WASHC2A: variants seen among roughly 807,000 people sequenced by gnomAD.
WASHC2A encodes WASH complex subunit FAM21A.
Under a neutral mutation model 140.3 loss-of-function variants are expected in WASHC2A, and 82 were observed. The ratio of observed to expected loss-of-function variants is 0.58; its 90% CI spans 0.49 to 0.70. The LOEUF is 0.70. Among genes scored for constraint, WASHC2A ranks in the 30% least tolerant of loss-of-function variants. The pLI is 0.00. For missense variants in WASHC2A, 985 were observed against 1,521.8 expected (o/e 0.65, Z 5.87); for synonymous variants, 340 against 560.8 (o/e 0.61, Z 5.56).
intron 19 of WASHC2A, among the ~76,000 whole-genome samples, chr10:50,109,562 C>T (rs1554889608): frequency 1.3e-5 from 2 of 152,026 alleles, no homozygotes; most frequent in Non-Finnish European, 2.9e-5. Context: ...GAAGAGACAT[C>T]GTGGCAGGTG....
chr10:50,132,225 A>T (rs1211500098), intron 30 of WASHC2A, among the ~76,000 whole-genome samples: 1 of 152,236 alleles, frequency 6.6e-6, no homozygotes, highest in Non-Finnish European at 1.5e-5. Context: ...TGTACACCTA[A>T]CTTTATGTAT....
At chr10:50,072,415 A>G (rs2132327854) in intron 3 of WASHC2A, among the ~76,000 whole-genome samples, 1 of 151,920 alleles carries the variant, frequency 6.6e-6, no homozygotes, top group African/African-American at 2.4e-5. Flanking sequence ...ATACTGAGAA[A>G]ACAGCTAATG....
At chr10:50,074,519 G>GA (rs1335565396) in intron 3 of WASHC2A, among the ~76,000 whole-genome samples, 2 of 151,752 alleles carry the variant, frequency 1.3e-5, no homozygotes, top group African/African-American at 4.8e-5. Flanking sequence ...GGAAAAGTAA[G>GA]AAAAAGAAAA....
At chr10:50,104,641 G>A (rs1329192777) in intron 18 of WASHC2A, among the ~76,000 whole-genome samples, 1 of 152,144 alleles carries the variant, frequency 6.6e-6, no homozygotes, top group Non-Finnish European at 1.5e-5. Flanking sequence ...ACAGGTGTGA[G>A]CCACCATGCC....
intron 23 of WASHC2A, among the ~76,000 whole-genome samples, chr10:50,124,093 TTTTTGTTTTGTTTTG>T (rs200416768): frequency 6.6e-6 from 1 of 151,074 alleles, no homozygotes; most frequent in African/African-American, 2.4e-5. Flanking sequence ...TTTTTTGGTT[TTTTTGTTTTGTTTTG>T]TTTTGTTTTG....
rs1267121855 is a variant in WASHC2A, at chr10:50,117,989, G to C, written c.2226G>C (p.Val742=). ...AGGCACAACTTGGAGTGAAGTCTGT[G>C]GATAAGAAGGTTGAGAGTGCCAAGG... The part of the protein sequence containing the change: ...EKEAQLGVKS[V]DKKVESAKES... The change falls in exon 22 of 31, where the codon GTG becomes GTC. Residue 742 remains valine (V), a synonymous_variant. Transcript: ENST00000282633. 14 of 1,594,086 alleles carry C rather than the reference G, an allele frequency of 8.8e-6. No individual in the cohort carries two copies. The highest frequency in any genetic ancestry group is 1.4e-5 in the African/African-American group (1 of 73,516).
chr10:50,104,020 A>G (rs782711513), intron 17 of WASHC2A, 22 bp from the exon 18 acceptor site: 1 of 1,540,770 alleles, frequency 6.5e-7, no homozygotes, highest in Non-Finnish European at 8.9e-7. Flanking sequence ...GTTAACCAGC[A>G]ACTTTAATTT....
rs1840624947 is a variant in WASHC2A, at chr10:50,097,736, A to G, written c.1482A>G (p.Lys494=). 6.2e-7 allele frequency: 1 copy of G among 1,606,658 alleles called. No individual in the cohort carries two copies. Among genetic ancestry groups the G allele is most frequent in the Non-Finnish European group, 8.5e-7 (1 of 1,177,614 alleles). The change falls in exon 16 of 31, where the codon AAA becomes AAG. Residue 494 remains lysine, a synonymous_variant. Transcript: ENST00000282633. ...GDEEGDLFKE[K]AVASPEATVS... ...AAGAAGGAGATCTGTTCAAAGAAAA[A>G]GCCGTAGCATCGCCAGAAGCCACTG...
rs201439985 is a variant in WASHC2A, at chr10:50,132,839, C to T, written c.3920C>T (p.Thr1307Ile). ...DIFSSGIQAK[T>I]TKPKSRSAQA... Reference sequence around the variant, plus strand: ...TTCTCCTCTGGTATCCAGGCTAAGACAACCAAACCAAAAAGCCGATCTGCA... The same window carrying T: ...TTCTCCTCTGGTATCCAGGCTAAGATAACCAAACCAAAAAGCCGATCTGCA... Residue 1307 changes from threonine (T) to isoleucine (I), a missense_variant, in exon 31 of 31, where the codon ACA becomes ATA. Coordinates refer to ENST00000282633, the MANE Select transcript of WASHC2A (RefSeq NM_001005751.3). 153 of 1,611,898 alleles carry T rather than the reference C, an allele frequency of 9.5e-5. No homozygotes were observed. Among genetic ancestry groups the T allele is most frequent in the Non-Finnish European group, 1.4e-5 (16 of 1,179,860 alleles).
chr10:50,081,554 A>G (rs2132436790), intron 5 of WASHC2A, among the ~76,000 whole-genome samples: 1 of 137,740 alleles, frequency 7.3e-6, no homozygotes, highest in South Asian at 2.5e-4. Flanking sequence ...GGTAGTGAAC[A>G]CAGAAAGTTA....
At chr10:50,130,673 C>T (rs1464475394) in intron 29 of WASHC2A, among the ~76,000 whole-genome samples, 1 of 152,104 alleles carries the variant, frequency 6.6e-6, no homozygotes, top group Non-Finnish European at 1.5e-5. Flanking sequence ...CTCCTTTAGG[C>T]AGGACTGGTA....
chr10:50,082,178 A>T (rs1254442324), intron 5 of WASHC2A, among the ~76,000 whole-genome samples: 1 of 150,062 alleles, frequency 6.7e-6, no homozygotes, highest in Non-Finnish European at 1.5e-5. Flanking sequence ...AAAGTTGTGG[A>T]GGTACACTTT....
intron 4 of WASHC2A, among the ~76,000 whole-genome samples, chr10:50,079,431 C>G (rs1379432019): frequency 6.6e-6 from 1 of 152,196 alleles, no homozygotes; most frequent in Non-Finnish European, 1.5e-5. Context: ...GAGTCTCACT[C>G]TGTTGCCCAG....
chr10:50,094,573 T>A (rs1488844784), intron 13 of WASHC2A, among the ~76,000 whole-genome samples: 1 of 152,252 alleles, frequency 6.6e-6, no homozygotes, highest in Non-Finnish European at 1.5e-5. Flanking sequence ...TTAGTGATTC[T>A]AAGTGCCGAG....
At chr10:50,113,426 T>C (rs1234988757) in intron 20 of WASHC2A, among the ~76,000 whole-genome samples, 1 of 151,566 alleles carries the variant, frequency 6.6e-6, no homozygotes, top group Non-Finnish European at 1.5e-5. Context: ...TATGTCTCAA[T>C]AACGCTACTA....
intron 2 of WASHC2A, among the ~76,000 whole-genome samples, chr10:50,069,304 T>A (rs1414888433): frequency 2.0e-5 from 3 of 151,042 alleles, no homozygotes; most frequent in Admixed American, 1.3e-4. Context: ...CGGGCACCTG[T>A]AATTCCAGCT....
At chr10:50,076,062 C>T (rs1315014653) in intron 3 of WASHC2A, among the ~76,000 whole-genome samples, 5 of 151,572 alleles carry the variant, frequency 3.3e-5, no homozygotes, top group Non-Finnish European at 7.4e-5. Flanking sequence ...TTACAGGCAC[C>T]GGCCACCACA....
At chr10:50,068,901 G>C (rs558473556) in intron 2 of WASHC2A, among the ~76,000 whole-genome samples, 4,888 of 144,054 alleles carry the variant, frequency 0.034, 703 homozygotes, top group African/African-American at 0.12. Context: ...AATTTTAGTA[G>C]AGATGGGGGT....
In WASHC2A at chr10:50,095,692, C is replaced by T; in HGVS notation, c.1334C>T (p.Pro445Leu). Residue 445 changes from proline to leucine, a missense_variant, in exon 15 of 31, where the codon CCC becomes CTC. Transcript: ENST00000282633. Reference protein sequence around the residue: ...QPTPRKSPYGPPPTGLFDDDD... With the variant: ...QPTPRKSPYGLPPTGLFDDDD... Reference sequence around the variant, plus strand: ...ACTCCAAGGAAAAGCCCCTATGGTCCCCCTCCCACTGGCCTCTTTGATGAT... The same window carrying T: ...ACTCCAAGGAAAAGCCCCTATGGTCTCCCTCCCACTGGCCTCTTTGATGAT... The T allele has an allele frequency of 6.2e-7, 1 of 1,610,872 alleles. No individual in the cohort carries two copies.
Sources: gnomAD v4.1 joint callset for allele counts (sites outside exome capture counted in the v4.1 genomes callset) on GRCh38, gnomAD v4.1.1 for gene constraint, MANE v1.5 for transcripts, NCBI Gene and HGNC (gene_info 2026-07-23, HGNC 2026-07-21) for gene names.